Variants in TASP1 observed in about 807,000 individuals in gnomAD.
TASP1 encodes taspase 1, also known as threonine aspartase 1.
A neutral mutation model predicts 56.6 loss-of-function variants in TASP1; 16 were observed. The observed-to-expected ratio is 0.28, with a 90% CI of 0.19 to 0.43. The LOEUF (loss-of-function observed/expected upper bound fraction) is 0.43. Among genes scored for constraint, TASP1 ranks in the 20% least tolerant of loss-of-function variants. The pLI is 1.00. For synonymous variants in TASP1, 179 were observed against 184.2 expected (o/e 0.97, Z 0.23); for missense variants, 393 against 511.6 (o/e 0.77, Z 2.24).
chr20:13,580,474 A>G (rs1393518854), intron 6 of TASP1, among the ~76,000 whole-genome samples: 1 of 152,018 alleles, frequency 6.6e-6, no homozygotes, highest in Non-Finnish European at 1.5e-5. Context: ...AAATAAAAAT[A>G]AACAAAAACA....
chr20:13,471,368 C>T (rs1284453824), intron 11 of TASP1, among the ~76,000 whole-genome samples: 1 of 152,142 alleles, frequency 6.6e-6, no homozygotes, highest in Non-Finnish European at 1.5e-5. Context: ...TACCTCTATA[C>T]CAACATGGTC....
At chr20:13,545,034 A>AT (rs56880565) in intron 8 of TASP1, among the ~76,000 whole-genome samples, 30,621 of 152,110 alleles carry the variant, frequency 0.2, 3,362 homozygotes, top group Middle Eastern at 0.28. Context: ...TTAACATGAG[A>AT]TTTTTTAAGT....
At chr20:13,223,073 G>T in the TASP1 span, among the ~76,000 whole-genome samples, 1 of 152,070 alleles carries the variant, frequency 6.6e-6, no homozygotes, top group African/African-American at 2.4e-5. Flanking sequence ...TGAGGCAGGA[G>T]AATTGCTTGA....
rs1029558597 is a variant in TASP1 at position 13,623,133 on chromosome 20, C to G, written c.282+313G>C. 3.7e-4 allele frequency among the ~76,000 whole-genome samples: 56 copies of G among 151,938 alleles called. 1 individual carries two copies. The highest frequency in any genetic ancestry group is 1.3e-3 in the African/African-American group (54 of 41,362). ...TTTTATTTTTAAACAACAGAATATACATCACTTTTTGGGGGTTAACTTCAA... is the reference window on the plus strand; with the variant it reads ...TTTTATTTTTAAACAACAGAATATAGATCACTTTTTGGGGGTTAACTTCAA... On this transcript the variant is annotated intron_variant, in intron 4 of 13. Transcript: ENST00000337743.
At chr20:13,270,533 A>G in the TASP1 span, 1 of 1,613,716 alleles carries the variant, frequency 6.2e-7, no homozygotes, top group South Asian at 1.1e-5. Context: ...GTGACACCAC[A>G]TCAGAAACCA....
chr20:13,122,996 C>G, the TASP1 span, among the ~76,000 whole-genome samples: 1 of 152,152 alleles, frequency 6.6e-6, no homozygotes, highest in Non-Finnish European at 1.5e-5. Flanking sequence ...TTCCTCCCGC[C>G]CCATGCTCCC....
the TASP1 span, among the ~76,000 whole-genome samples, chr20:13,112,551 G>A: frequency 6.6e-6 from 1 of 152,204 alleles, no homozygotes; most frequent in African/African-American, 2.4e-5. Context: ...AGGATGGGAA[G>A]CTTTGCAGGC....
intron 11 of TASP1, among the ~76,000 whole-genome samples, chr20:13,435,592 A>C (rs190332550): frequency 1.3e-5 from 2 of 152,324 alleles, no homozygotes; most frequent in Admixed American, 1.3e-4. Context: ...AATAAGCCAC[A>C]AACTTTATTA....
intron 11 of TASP1, among the ~76,000 whole-genome samples, chr20:13,438,407 T>C (rs373873578): frequency 2.0e-5 from 3 of 152,038 alleles, no homozygotes; most frequent in Admixed American, 1.3e-4. Flanking sequence ...AATGGGGAAA[T>C]GATTCCCTAT....
At chr20:13,296,926 G>A in the TASP1 span, among the ~76,000 whole-genome samples, 36 of 152,234 alleles carry the variant, frequency 2.4e-4, no homozygotes, top group Admixed American at 2.3e-3. Flanking sequence ...ACTGAGGCAG[G>A]AGAATTGCTT....
At chr20:13,111,589 A>G in the TASP1 span, among the ~76,000 whole-genome samples, 2 of 152,328 alleles carry the variant, frequency 1.3e-5, no homozygotes, top group Admixed American at 6.5e-5. Context: ...AAATAATCTC[A>G]TATTGACTCT....
intron 6 of TASP1, among the ~76,000 whole-genome samples, chr20:13,570,352 A>G (rs1367665376): frequency 6.6e-6 from 1 of 152,144 alleles, no homozygotes; most frequent in Non-Finnish European, 1.5e-5. Context: ...CCAACTTCTT[A>G]AAGATCTCAG....
the TASP1 span, among the ~76,000 whole-genome samples, chr20:13,114,754 T>A: frequency 6.6e-6 from 1 of 152,138 alleles, no homozygotes. Context: ...TGCTTTCTTG[T>A]TTTGAGTTAC....
At position 13,557,112 on chromosome 20, in the gene TASP1, A is replaced by G. The variant is rs529544729; in HGVS notation, c.675+1896T>C. On this transcript the variant is annotated intron_variant, in intron 8 of 13. Coordinates refer to ENST00000337743, the MANE Select transcript of TASP1 (RefSeq NM_017714.3). ...CCATGAGATGCAGTGAAACTCCTAT[A>G]TATAAAAATCCTAACCTGATCTCCA... Among the ~76,000 whole-genome samples the G allele has an allele frequency of 4.6e-5, 7 of 152,272 alleles. No homozygotes were observed. The South Asian group carries it at 1.0e-3, about 23-fold the overall frequency.
intron 10 of TASP1, among the ~76,000 whole-genome samples, chr20:13,520,971 A>G (rs1333002212): frequency 2.0e-5 from 3 of 152,238 alleles, no homozygotes; most frequent in African/African-American, 7.2e-5. Context: ...AAGAAGATGA[A>G]CAGACACTTC....
chr20:13,337,545 T>C, the TASP1 span, among the ~76,000 whole-genome samples: 1 of 152,196 alleles, frequency 6.6e-6, no homozygotes, highest in African/African-American at 2.4e-5. Context: ...AGGCCCCTGA[T>C]CCACACCTTC....
At chr20:13,621,980 T>C (rs2147522027) in intron 4 of TASP1, among the ~76,000 whole-genome samples, 1 of 152,306 alleles carries the variant, frequency 6.6e-6, no homozygotes, top group South Asian at 2.1e-4. Flanking sequence ...TAACATTTGG[T>C]GGTAAATACA....
the TASP1 span, among the ~76,000 whole-genome samples, chr20:13,175,666 T>C: frequency 6.6e-6 from 1 of 152,244 alleles, no homozygotes; most frequent in Non-Finnish European, 1.5e-5. Context: ...AGATTTACAC[T>C]AGAATTTTCA....
At chr20:13,119,220 ACT>A in the TASP1 span, among the ~76,000 whole-genome samples, 3 of 152,148 alleles carry the variant, frequency 2.0e-5, no homozygotes, top group African/African-American at 7.2e-5. Flanking sequence ...ACGAAGCATA[ACT>A]CTACTTCCTG....
Sources: gnomAD v4.1 joint callset for allele counts (sites outside exome capture counted in the v4.1 genomes callset) on GRCh38, gnomAD v4.1.1 for gene constraint, MANE v1.5 for transcripts, NCBI Gene and HGNC (gene_info 2026-07-23, HGNC 2026-07-21) for gene names.